The following LOXHD1 variants were observed in gnomAD, a reference collection of about 807,000 sequenced individuals.
LOXHD1 encodes the protein lipoxygenase homology PLAT domains 1.
LOXHD1 carries 205 observed loss-of-function variants against 248.2 expected under a neutral mutation model. The observed-to-expected ratio is 0.83, with a 90% CI of 0.74 to 0.93. The LOEUF (loss-of-function observed/expected upper bound fraction) is 0.93. Among genes scored for constraint, LOXHD1 ranks in the 40% least tolerant of loss-of-function variants. The pLI is 0.00. For missense variants in LOXHD1, 2,930 were observed against 2,971.6 expected (o/e 0.99, Z 0.33); for synonymous variants, 1,113 against 1,162.8 (o/e 0.96, Z 0.87).
chr18:46,574,656 G>T (rs2037821183), intron 14 of LOXHD1, among the ~76,000 whole-genome samples: 1 of 151,550 alleles, frequency 6.6e-6, no homozygotes, highest in Non-Finnish European at 1.5e-5. Flanking sequence ...TTAAGTGTTT[G>T]GGGGCAGGGA....
chr18:46,516,099 T>C (rs1440336751), intron 34 of LOXHD1, among the ~76,000 whole-genome samples: 8 of 152,210 alleles, frequency 5.3e-5, no homozygotes, highest in African/African-American at 1.9e-4. Flanking sequence ...AAGCTCTAAG[T>C]AGAGAGTTTC....
At chr18:46,649,316 G>A (rs371836452) in intron 1 of LOXHD1, 47 bp from the exon 2 acceptor site, 105 of 1,490,916 alleles carry the variant, frequency 7.0e-5, no homozygotes, top group South Asian at 2.2e-4. Context: ...GAAAAAAACC[G>A]GAATCCTGTG....
intron 19 of LOXHD1, 35 bp downstream of exon 19, chr18:46,560,048 T>TGCCGGGCCCC: frequency 7.7e-5 from 95 of 1,226,282 alleles, no homozygotes; most frequent in Non-Finnish European, 1.0e-4. Flanking sequence ...GTCTGGCCAC[T>TGCCGGGCCCC]CCCTCCCCAC....
At chr18:46,601,100 T>C in intron 8 of LOXHD1, 117 bp downstream of exon 8, 1 of 1,322,032 alleles carries the variant, frequency 7.6e-7, no homozygotes, top group Non-Finnish European at 1.0e-6. Context: ...TGAAAGAGAT[T>C]GCCCATGCAC....
Position 46,649,216 on chromosome 18 carries a change from T to G in LOXHD1, c.184A>C (p.Asn62His), listed in dbSNP as rs2039075654. 6.4e-7 allele frequency: 1 copy of G among 1,551,650 alleles called. No homozygotes were observed. Among genetic ancestry groups the G allele is most frequent in the Admixed American group, 2.0e-5 (1 of 50,982 alleles). ...TCTCCAAAAAGCGTGATGAAGACATTGGCATCCGTCCCTGCACCGCGAACA... is the reference window on the plus strand; with the variant it reads ...TCTCCAAAAAGCGTGATGAAGACATGGGCATCCGTCCCTGCACCGCGAACA... ...GDVRGAGTDA[N>H]VFITLFGENG... is the part of the protein sequence containing the mutation. The change falls in exon 2 of 41, where the codon AAT becomes CAT. Residue 62 changes from asparagine to histidine, a missense_variant. Transcript: ENST00000642948.
chr18:46,493,471 T>C (rs1454696780), intron 37 of LOXHD1, among the ~76,000 whole-genome samples: 2 of 152,256 alleles, frequency 1.3e-5, no homozygotes, highest in African/African-American at 4.8e-5. Context: ...TATCCACCTC[T>C]ATATTTCAAT....
chr18:46,544,821 G>A (rs2036725394), intron 23 of LOXHD1: 1 of 471,346 alleles, frequency 2.1e-6, no homozygotes, highest in South Asian at 1.5e-5. Flanking sequence ...CTTCAATAAT[G>A]CTTGGCACTA....
Position 46,524,565 on chromosome 18 carries a change from G to C in LOXHD1, c.4777C>G (p.Pro1593Ala), listed in dbSNP as rs1236275360. 27 of 1,551,586 alleles carry C rather than the reference G, an allele frequency of 1.7e-5. No homozygotes were observed. The highest frequency in any genetic ancestry group is 2.3e-5 in the Non-Finnish European group (26 of 1,147,000). The change falls in exon 31 of 41, where the codon CCT (proline) becomes GCT (alanine). Residue 1593 changes from proline to alanine, a missense_variant. Physicochemically the swap from Pro to Ala is conservative, Grantham distance 27 (BLOSUM62 -1). Transcript: ENST00000642948. Reference protein sequence around the residue: ...TGDRSSNCSSPADFWEIALSS... With the variant: ...TGDRSSNCSSAADFWEIALSS... Reference sequence around the variant, plus strand: ...AGGGCGATCTCCCAGAAGTCAGCAGGGCTGCTGCAGTTGCTGCTGCGGTCC... The same window carrying C: ...AGGGCGATCTCCCAGAAGTCAGCAGCGCTGCTGCAGTTGCTGCTGCGGTCC...
rs373252131 is a variant in LOXHD1, at chr18:46,614,523, A to T, written c.611-3599T>A. Among the ~76,000 whole-genome samples the T allele has an allele frequency of 1.2e-4, 19 of 152,244 alleles. No homozygotes were observed. In the East Asian group the frequency reaches 3.7e-3, roughly 29 times the overall value. The stretch of plus-strand genomic sequence containing the variant: ...TCATAGGTGGGAATTGAACAATGAG[A>T]ACACTTGGACACAGGGTGGGGAACA... On this transcript the variant is annotated intron_variant, in intron 5 of 40. Coordinates refer to ENST00000642948, the MANE Select transcript of LOXHD1 (RefSeq NM_001384474.1).
chr18:46,477,245 C>T (rs772204495), downstream of LOXHD1: 8 of 751,552 alleles, frequency 1.1e-5, 1 homozygote, highest in South Asian at 8.8e-5. Context: ...AAAGGAAATA[C>T]AAAAAATTAT....
chr18:46,557,810 T>C, intron 20 of LOXHD1: 1 of 1,269,006 alleles, frequency 7.9e-7, no homozygotes, highest in South Asian at 1.8e-5. Context: ...GGTGGGTGTT[T>C]TGTGTGCAAG....
intron 6 of LOXHD1, among the ~76,000 whole-genome samples, chr18:46,605,468 C>T (rs998317764): frequency 2.0e-5 from 3 of 151,994 alleles, no homozygotes; most frequent in African/African-American, 4.8e-5. Flanking sequence ...GAGCCGGGAT[C>T]GTGCCACTGT....
rs115104961 is a variant in LOXHD1 at position 46,562,018 on chromosome 18, A to G, written c.2598+1047T>C. Among the ~76,000 whole-genome samples, 1,459 of 152,258 alleles carry G rather than the reference A, an allele frequency of 9.6e-3. 29 individuals carry two copies. Among genetic ancestry groups the G allele is most frequent in the African/African-American group, 0.033 (1,351 of 41,530 alleles). ...TCCAGTTCCATCTCCATAACTGGGC[A>G]CTCCATCCCAAGTGCATTCCCTGAC... On this transcript the variant is annotated intron_variant, in intron 18 of 40. Coordinates refer to ENST00000642948, the MANE Select transcript of LOXHD1 (RefSeq NM_001384474.1).
chr18:46,592,686 C>A, intron 10 of LOXHD1, 102 bp from the exon 11 acceptor site: 2 of 938,504 alleles, frequency 2.1e-6, no homozygotes, highest in Non-Finnish European at 3.4e-6. Flanking sequence ...TGGGCTCTTT[C>A]TTCAGCAGTG....
At position 46,649,223 on chromosome 18, in the gene LOXHD1, C is replaced by A. The variant is rs116413527; in HGVS notation, c.177G>T (p.Thr59=). The A allele has an allele frequency of 1.3e-6, 2 of 1,551,818 alleles. No homozygotes were observed. Among genetic ancestry groups the A allele is most frequent in the Non-Finnish European group, 8.7e-7 (1 of 1,147,012 alleles). ...AAAGCGTGATGAAGACATTGGCATC[C>A]GTCCCTGCACCGCGAACATCCCCCG... is the stretch of plus-strand genomic sequence containing the variant. ...TATGDVRGAG[T]DANVFITLFG... is the part of the protein sequence containing the mutation. Residue 59 remains threonine (T), a synonymous_variant, in exon 2 of 41, where the codon ACG becomes ACT. Coordinates refer to ENST00000642948, the MANE Select transcript of LOXHD1 (RefSeq NM_001384474.1).
intron 21 of LOXHD1, among the ~76,000 whole-genome samples, 197 bp from the exon 22 acceptor site, chr18:46,547,255 G>T (rs2036890231): frequency 6.6e-6 from 1 of 152,276 alleles, no homozygotes; most frequent in Non-Finnish European, 1.5e-5. Flanking sequence ...GAACAAACTT[G>T]GGGACATTGG....
At chr18:46,549,550 T>C (rs1447978820) in intron 21 of LOXHD1, among the ~76,000 whole-genome samples, 3 of 152,158 alleles carry the variant, frequency 2.0e-5, no homozygotes, top group Non-Finnish European at 2.9e-5. Flanking sequence ...TGTGAGATCC[T>C]AGGGATTAAA....
intron 7 of LOXHD1, 112 bp downstream of exon 7, chr18:46,603,994 A>C: frequency 7.1e-7 from 1 of 1,405,588 alleles, no homozygotes; most frequent in Non-Finnish European, 9.6e-7. Flanking sequence ...TGCTGTCTGC[A>C]GACCCAGCTG....
At chr18:46,496,772 G>T (rs1242405148) in intron 37 of LOXHD1, among the ~76,000 whole-genome samples, 1 of 152,176 alleles carries the variant, frequency 6.6e-6, no homozygotes, top group African/African-American at 2.4e-5. Context: ...GGAGGCCGAG[G>T]CAGGTGGATC....
Sources: gnomAD v4.1 joint callset for allele counts (sites outside exome capture counted in the v4.1 genomes callset) on GRCh38, gnomAD v4.1.1 for gene constraint, MANE v1.5 for transcripts, NCBI Gene and HGNC (gene_info 2026-07-23, HGNC 2026-07-21) for gene names.